LPIN2: variants seen among roughly 807,000 people sequenced by gnomAD.
The protein encoded by LPIN2 is phosphatidate phosphatase LPIN2.
A neutral mutation model predicts 111.4 loss-of-function variants in LPIN2; 55 were observed. The observed-to-expected ratio is 0.49, with a 90% CI of 0.40 to 0.62. The LOEUF (loss-of-function observed/expected upper bound fraction) is 0.62. Among genes scored for constraint, LPIN2 ranks in the 20% least tolerant of loss-of-function variants. The probability of loss-of-function intolerance (pLI) is 0.00; values close to 1 mark genes in which losing one functional copy is unlikely to be tolerated. For synonymous variants in LPIN2, 425 were observed against 414.0 expected (o/e 1.03, Z -0.32); for missense variants, 992 against 1,112.1 (o/e 0.89, Z 1.54).
At position 2,996,670 on chromosome 18, in the gene LPIN2, G is replaced by A. The variant is rs180880675; in HGVS notation, c.-10+16417C>T. Among the ~76,000 whole-genome samples the A allele has an allele frequency of 5.9e-3, 898 of 151,616 alleles. 10 individuals carry two copies. Among genetic ancestry groups the A allele is most frequent in the African/African-American group, 0.021 (848 of 41,348 alleles). ...TTTTTTGTATTTTTAGTAGAGACGG[G>A]GTTTCACCGTGTTAGCCAGGATGGT... On this transcript the variant is annotated intron_variant, in intron 1 of 19. Coordinates refer to ENST00000677752, the MANE Select transcript of LPIN2 (RefSeq NM_001375808.2).
At chr18:3,011,205 C>G (rs1410299292) in intron 1 of LPIN2, among the ~76,000 whole-genome samples, 2 of 152,180 alleles carry the variant, frequency 1.3e-5, no homozygotes, top group African/African-American at 4.8e-5. Context: ...CCAGCTGACT[C>G]TATTATTTGC....
At chr18:2,981,420 G>A (rs1006809000) in intron 1 of LPIN2, among the ~76,000 whole-genome samples, 4 of 152,152 alleles carry the variant, frequency 2.6e-5, no homozygotes, top group Admixed American at 2.0e-4. Flanking sequence ...AAATGGGACC[G>A]TTAATAAAAT....
At chr18:2,922,811 A>G (rs552783621) in intron 16 of LPIN2, among the ~76,000 whole-genome samples, 1 of 152,344 alleles carries the variant, frequency 6.6e-6, no homozygotes, top group African/African-American at 2.4e-5. Flanking sequence ...AAAACCTTGG[A>G]CTATCTTTAA....
In LPIN2 at chr18:2,926,737, C is replaced by T; in HGVS notation, c.1779G>A (p.Glu593=). ...AGGGCACCCACCTGGCACCGGCCGG[C>T]TCCTTGGAGCTGGATGGCAGGTCAC... The part of the protein sequence containing the change: ...PASDLPSSSK[E]PAGARPAEND... Residue 593 remains glutamate (E), a synonymous_variant, in exon 13 of 20, where the codon GAG becomes GAA. Transcript: ENST00000677752. The T allele has an allele frequency of 6.2e-7, 1 of 1,613,244 alleles. No homozygotes were observed. Among genetic ancestry groups the T allele is most frequent in the Non-Finnish European group, 8.5e-7 (1 of 1,179,992 alleles).
intron 1 of LPIN2, among the ~76,000 whole-genome samples, chr18:3,003,047 C>T (rs1176099571): frequency 1.3e-5 from 2 of 152,236 alleles, no homozygotes; most frequent in African/African-American, 4.8e-5. Flanking sequence ...CATATGACCT[C>T]ATTTAATCCT....
intron 1 of LPIN2, among the ~76,000 whole-genome samples, chr18:3,011,343 T>G (rs970989921): frequency 1.3e-5 from 2 of 152,190 alleles, no homozygotes; most frequent in Non-Finnish European, 2.9e-5. Context: ...ACCTGTCGTT[T>G]CATTTCTAGC....
intron 4 of LPIN2, chr18:2,946,238 T>A (rs2077449643): frequency 1.3e-6 from 2 of 1,563,122 alleles, no homozygotes. Context: ...GTCTACTGTC[T>A]TAGGGGCTTG....
Position 2,938,523 on chromosome 18 carries a change from C to CA in LPIN2, c.823-487dup, listed in dbSNP as rs1427140149. ...TAGGTGACAGAGCAAGACTTTATCT[C>CA]AAAAAAAAAGGTGTACGTTAAATGT... On this transcript the variant is annotated intron_variant, in intron 6 of 19. Coordinates refer to ENST00000677752, the MANE Select transcript of LPIN2 (RefSeq NM_001375808.2). Among the ~76,000 whole-genome samples the CA allele has an allele frequency of 4.9e-3, 736 of 149,654 alleles. 8 individuals carry two copies. Among genetic ancestry groups the CA allele is most frequent in the African/African-American group, 0.017 (689 of 40,796 alleles).
intron 1 of LPIN2, among the ~76,000 whole-genome samples, chr18:3,000,550 C>T (rs2078419356): frequency 6.6e-6 from 1 of 152,256 alleles, no homozygotes; most frequent in Non-Finnish European, 1.5e-5. Context: ...GCAGGATACA[C>T]ACCATGCCCT....
intron 6 of LPIN2, among the ~76,000 whole-genome samples, chr18:2,938,569 G>A (rs1372688266): frequency 6.6e-6 from 1 of 152,116 alleles, no homozygotes; most frequent in Non-Finnish European, 1.5e-5. Context: ...AGTTATACTG[G>A]AGAAGACTGA....
At chr18:2,961,793 C>T (rs545918070) in intron 1 of LPIN2, among the ~76,000 whole-genome samples, 32 of 152,108 alleles carry the variant, frequency 2.1e-4, no homozygotes, top group Non-Finnish European at 4.0e-4. Context: ...AAGCACAATT[C>T]AGTGAAAGCC....
At chr18:2,972,090 C>A (rs2077927185) in intron 1 of LPIN2, among the ~76,000 whole-genome samples, 1 of 151,980 alleles carries the variant, frequency 6.6e-6, no homozygotes, top group African/African-American at 2.4e-5. Flanking sequence ...GAAAAGAAAT[C>A]CATGGTGGAA....
At chr18:3,005,875 A>G (rs2078507960) in intron 1 of LPIN2, among the ~76,000 whole-genome samples, 1 of 152,222 alleles carries the variant, frequency 6.6e-6, no homozygotes. Context: ...ATAACAATGA[A>G]CAACAATAAT....
At chr18:2,946,521 A>C (rs1327185146) in intron 4 of LPIN2, 1 of 1,563,996 alleles carries the variant, frequency 6.4e-7, no homozygotes, top group African/African-American at 1.4e-5. Context: ...CTCCGGTTGT[A>C]GCACAGCAAG....
chr18:2,975,388 G>A (rs903338857), intron 1 of LPIN2, among the ~76,000 whole-genome samples: 2 of 152,154 alleles, frequency 1.3e-5, no homozygotes, highest in African/African-American at 4.8e-5. Flanking sequence ...AGGCTGGAGT[G>A]CAATGGTGCA....
At chr18:3,009,128 G>A (rs983456251) in intron 1 of LPIN2, among the ~76,000 whole-genome samples, 6 of 152,080 alleles carry the variant, frequency 3.9e-5, no homozygotes, top group Admixed American at 2.6e-4. Flanking sequence ...GGCCAGGCGC[G>A]GTGGCTCACG....
chr18:3,000,142 A>AGG (rs34045507), intron 1 of LPIN2, among the ~76,000 whole-genome samples: 13 of 114,912 alleles, frequency 1.1e-4, no homozygotes, highest in East Asian at 2.7e-4. Flanking sequence ...GGAGGAGGAG[A>AGG]AGGAGAAAAT....
rs938774449 is a variant in LPIN2 at position 2,917,345 on chromosome 18, C to T, written c.*2948G>A. ...TTATTAAACCCTGGAAGCTCTACAACACGGGAAAACATCGAAATTCCCCGG... is the reference window on the plus strand; with the variant it reads ...TTATTAAACCCTGGAAGCTCTACAATACGGGAAAACATCGAAATTCCCCGG... On this transcript the variant is annotated 3_prime_UTR_variant, in exon 20 of 20. Transcript: ENST00000677752. 6.6e-6 allele frequency: 1 copy of T among 151,866 alleles called. No homozygotes were observed. Among genetic ancestry groups the T allele is most frequent in the Non-Finnish European group, 1.5e-5 (1 of 68,048 alleles). The allele number at this position is 151,866 out of a possible 1,614,324, so 9.4% of individuals were successfully genotyped here.
At chr18:2,987,080 C>G (rs1289444159) in intron 1 of LPIN2, among the ~76,000 whole-genome samples, 1 of 151,998 alleles carries the variant, frequency 6.6e-6, no homozygotes, top group East Asian at 1.9e-4. Flanking sequence ...GTGATGACAC[C>G]CTTAGGTATA....
Sources: allele counts gnomAD v4.1 joint callset (sites outside exome capture counted in the v4.1 genomes callset), GRCh38; gene constraint gnomAD v4.1.1; transcripts MANE v1.5; gene names NCBI Gene and HGNC (gene_info 2026-07-23, HGNC 2026-07-21).